Variants in CDH13 observed in about 807,000 individuals in gnomAD.
The protein encoded by CDH13 is cadherin 13.
Under a neutral mutation model 63.8 loss-of-function variants are expected in CDH13, and 24 were observed. That is an observed-to-expected ratio of 0.38 (90% CI 0.27 to 0.53). CDH13 has a LOEUF of 0.53. CDH13 is among the 20% of genes least tolerant of loss of function. The pLI, the probability that CDH13 is intolerant of heterozygous loss-of-function variation, is 0.85. For synonymous variants in CDH13, 503 were observed against 355.3 expected, an observed-to-expected ratio of 1.42 and a Z score of -4.67; for missense variants, 1,049 against 903.1, an observed-to-expected ratio of 1.16 and a Z score of -2.07.
intron 7 of CDH13, among the ~76,000 whole-genome samples, chr16:83,549,315 G>C (rs960507351): frequency 6.6e-6 from 1 of 152,130 alleles, no homozygotes; most frequent in Non-Finnish European, 1.5e-5. Flanking sequence ...TTCTTCTTTT[G>C]TGCAAAGCAC....
intron 3 of CDH13, among the ~76,000 whole-genome samples, chr16:83,052,871 C>T (rs1184396567): frequency 2.0e-5 from 3 of 149,020 alleles, no homozygotes; most frequent in African/African-American, 7.4e-5. Context: ...AATAAAAAAG[C>T]TATTTTATAA....
At chr16:82,887,121 G>A (rs892734497) in intron 2 of CDH13, among the ~76,000 whole-genome samples, 2 of 152,156 alleles carry the variant, frequency 1.3e-5, no homozygotes, top group African/African-American at 4.8e-5. Context: ...AATATAGGGA[G>A]GAAACCACTT....
intron 7 of CDH13, among the ~76,000 whole-genome samples, chr16:83,547,291 G>A (rs893926353): frequency 7.9e-5 from 12 of 152,344 alleles, no homozygotes; most frequent in Middle Eastern, 3.4e-3. Flanking sequence ...ATAAGTGGCT[G>A]TTGTTGTTTA....
chr16:83,352,086 C>T (rs2090962592), intron 6 of CDH13, among the ~76,000 whole-genome samples: 1 of 152,100 alleles, frequency 6.6e-6, no homozygotes, highest in South Asian at 2.1e-4. Flanking sequence ...GAAGTGCTGC[C>T]CAGGGATGGC....
At chr16:82,718,168 T>C (rs914497405) in intron 1 of CDH13, among the ~76,000 whole-genome samples, 1 of 152,206 alleles carries the variant, frequency 6.6e-6, no homozygotes, top group African/African-American at 2.4e-5. Flanking sequence ...CTTGTTCTTA[T>C]GGGCAGCTGG....
chr16:83,570,015 G>A (rs953811749), intron 7 of CDH13, among the ~76,000 whole-genome samples: 1 of 152,220 alleles, frequency 6.6e-6, no homozygotes, highest in African/African-American at 2.4e-5. Context: ...GATTACAGGA[G>A]TGAGCCACCG....
Position 82,955,150 on chromosome 16 carries a change from T to C in CDH13, c.158-76860T>C, listed in dbSNP as rs190597366. 7.9e-5 allele frequency among the ~76,000 whole-genome samples: 12 copies of C among 152,340 alleles called. No individual in the cohort carries two copies. In the East Asian group the frequency reaches 2.3e-3, roughly 29 times the overall value. On this transcript the variant is annotated intron_variant, in intron 2 of 13. Transcript: ENST00000567109. Reference sequence around the variant, plus strand: ...CTACCTAGGATTAGAATTGCTAGGTTATCGGCAACTCTATTTTTAACCTTT... The same window carrying C: ...CTACCTAGGATTAGAATTGCTAGGTCATCGGCAACTCTATTTTTAACCTTT...
At chr16:82,789,336 A>AGG (rs1373317235) in intron 1 of CDH13, among the ~76,000 whole-genome samples, 14 of 152,266 alleles carry the variant, frequency 9.2e-5, no homozygotes, top group African/African-American at 3.1e-4. Flanking sequence ...GAACTCATGA[A>AGG]GGGAGGGTCT....
chr16:83,758,496 A>G (rs1913697841), intron 11 of CDH13, among the ~76,000 whole-genome samples: 1 of 152,228 alleles, frequency 6.6e-6, no homozygotes, highest in Non-Finnish European at 1.5e-5. Flanking sequence ...TGCTACAGCA[A>G]ACATCTTCCT....
At chr16:83,692,637 C>T (rs1598489934) in intron 10 of CDH13, among the ~76,000 whole-genome samples, 2 of 152,172 alleles carry the variant, frequency 1.3e-5, no homozygotes, top group East Asian at 1.9e-4. Flanking sequence ...TAGAGACTTT[C>T]GGACTTGAAG....
chr16:83,402,151 C>T (rs1259865863), intron 6 of CDH13, among the ~76,000 whole-genome samples: 2 of 152,054 alleles, frequency 1.3e-5, no homozygotes, highest in Non-Finnish European at 2.9e-5. Context: ...GTACACTAGC[C>T]TAGTATTATT....
chr16:82,689,392 C>G (rs879632707), intron 1 of CDH13, among the ~76,000 whole-genome samples: 1 of 152,164 alleles, frequency 6.6e-6, no homozygotes, highest in African/African-American at 2.4e-5. Context: ...CATTTGGGTC[C>G]ATTATTAAGA....
At chr16:83,699,997 A>T (rs1302260033) in intron 10 of CDH13, among the ~76,000 whole-genome samples, 2 of 152,102 alleles carry the variant, frequency 1.3e-5, no homozygotes, top group Non-Finnish European at 2.9e-5. Context: ...CACTCCCTTG[A>T]CGCTATCACC....
chr16:83,590,534 C>G (rs987831835), intron 7 of CDH13, among the ~76,000 whole-genome samples: 2 of 152,026 alleles, frequency 1.3e-5, no homozygotes, highest in African/African-American at 2.4e-5. Flanking sequence ...ACATCCATAA[C>G]AAGATTGAAA....
At chr16:82,746,068 G>A (rs2034149492) in intron 1 of CDH13, among the ~76,000 whole-genome samples, 2 of 151,902 alleles carry the variant, frequency 1.3e-5, no homozygotes, top group African/African-American at 2.4e-5. Context: ...CAGCATAAGA[G>A]GGAATCTATC....
At chr16:83,794,417 G>A (rs1481047363) in intron 13 of CDH13, among the ~76,000 whole-genome samples, 2 of 152,018 alleles carry the variant, frequency 1.3e-5, no homozygotes, top group African/African-American at 2.4e-5. Context: ...GCCAGGCATG[G>A]CGGTGCATGC....
chr16:83,054,419 G>T (rs2030710016), intron 3 of CDH13, among the ~76,000 whole-genome samples: 2 of 152,200 alleles, frequency 1.3e-5, no homozygotes, highest in Non-Finnish European at 2.9e-5. Flanking sequence ...TACAAGCACT[G>T]ATATCTCAGC....
At chr16:82,903,244 T>C (rs1293036518) in intron 2 of CDH13, among the ~76,000 whole-genome samples, 1 of 152,200 alleles carries the variant, frequency 6.6e-6, no homozygotes, top group Non-Finnish European at 1.5e-5. Flanking sequence ...TGAAAAACAT[T>C]TGGCCCAGCA....
intron 3 of CDH13, among the ~76,000 whole-genome samples, chr16:83,040,737 T>G (rs1357249129): frequency 6.6e-6 from 1 of 152,166 alleles, no homozygotes; most frequent in Non-Finnish European, 1.5e-5. Flanking sequence ...CATCCTTCAA[T>G]CCAATCGAGT....
Sources: gnomAD v4.1 joint callset for allele counts (sites outside exome capture counted in the v4.1 genomes callset) on GRCh38, gnomAD v4.1.1 for gene constraint, MANE v1.5 for transcripts, NCBI Gene and HGNC (gene_info 2026-07-23, HGNC 2026-07-21) for gene names.